Variants in GRAMD1B observed in about 807,000 individuals in gnomAD.
The protein encoded by GRAMD1B is GRAM domain containing 1B.
Under a neutral mutation model 99.7 loss-of-function variants are expected in GRAMD1B, and 37 were observed. The observed-to-expected ratio is 0.37, with a 90% CI of 0.29 to 0.49. The LOEUF (loss-of-function observed/expected upper bound fraction) is 0.49, where lower values mean the gene tolerates loss of function less well. Among genes scored for constraint, GRAMD1B ranks in the 20% least tolerant of loss-of-function variants. The pLI, the probability that GRAMD1B is intolerant of heterozygous loss-of-function variation, is 0.98. For synonymous variants in GRAMD1B, 427 were observed against 387.6 expected (o/e 1.10, Z -1.19); for missense variants, 888 against 1,009.2 (o/e 0.88, Z 1.63).
intron 7 of GRAMD1B, among the ~76,000 whole-genome samples, chr11:123,596,621 C>T (rs912391840): frequency 1.3e-5 from 2 of 152,250 alleles, no homozygotes; most frequent in African/African-American, 4.8e-5. Flanking sequence ...GCCAAGTTTA[C>T]AGTTCCCTTG....
chr11:123,545,227 G>A (rs151126685), intron 2 of GRAMD1B, among the ~76,000 whole-genome samples: 2 of 152,188 alleles, frequency 1.3e-5, no homozygotes, highest in South Asian at 2.1e-4. Flanking sequence ...GGGTGAAGTG[G>A]GAGGACTGCA....
At position 123,587,244 on chromosome 11, in the gene GRAMD1B, C is replaced by T. The variant is rs930873221; in HGVS notation, c.684+2912C>T. Among the ~76,000 whole-genome samples the T allele has an allele frequency of 2.6e-5, 4 of 152,212 alleles. No individual in the cohort carries two copies. The highest frequency in any genetic ancestry group is 1.3e-4 in the Admixed American group (2 of 15,286). ...GGCAAGTGGCTGGACCCCAGGGACA[C>T]AGGGAGAGGCCATAGCAGGAGAGTG... On this transcript the variant is annotated intron_variant, in intron 4 of 19. Coordinates refer to ENST00000635736, the MANE Select transcript of GRAMD1B (RefSeq NM_001387025.1). This position sits in a 1 kb window ranked among gnomAD's most constrained non-coding sequence, Gnocchi z 4.2.
intron 1 of GRAMD1B, among the ~76,000 whole-genome samples, chr11:123,443,562 C>A (rs1949506533): frequency 9.3e-6 from 1 of 107,378 alleles, no homozygotes; most frequent in Admixed American, 8.5e-5. Context: ...CAAAGATTTT[C>A]TTTTTTCTCT....
chr11:123,397,674 T>C (rs193247964), intron 1 of GRAMD1B, among the ~76,000 whole-genome samples: 9 of 152,172 alleles, frequency 5.9e-5, no homozygotes, highest in Non-Finnish European at 1.0e-4. Context: ...ACTAATTTTT[T>C]TATTTTTTGT....
chr11:123,578,100 C>G (rs1423883049), intron 3 of GRAMD1B, among the ~76,000 whole-genome samples: 1 of 152,138 alleles, frequency 6.6e-6, no homozygotes, highest in Admixed American at 6.5e-5. Context: ...GGACTGCCCC[C>G]TGAGTACCGG....
intron 1 of GRAMD1B, among the ~76,000 whole-genome samples, chr11:123,388,969 G>A (rs1347076798): frequency 6.6e-6 from 1 of 152,180 alleles, no homozygotes; most frequent in African/African-American, 2.4e-5. Context: ...CATCAATGAT[G>A]AGTCACATTG....
chr11:123,527,380 G>A (rs1159963542), intron 2 of GRAMD1B, among the ~76,000 whole-genome samples: 1 of 152,148 alleles, frequency 6.6e-6, no homozygotes, highest in African/African-American at 2.4e-5. Context: ...CCTTTAGTGG[G>A]TCTTGAAAAG....
intron 1 of GRAMD1B, among the ~76,000 whole-genome samples, chr11:123,383,090 C>T (rs1251295162): frequency 6.6e-6 from 1 of 152,038 alleles, no homozygotes; most frequent in Non-Finnish European, 1.5e-5. Flanking sequence ...CAGAGTGGAT[C>T]CAGAGTTGAA....
chr11:123,425,625 C>T (rs1223401335), upstream of GRAMD1B, among the ~76,000 whole-genome samples: 2 of 152,218 alleles, frequency 1.3e-5, no homozygotes, highest in Non-Finnish European at 2.9e-5. Flanking sequence ...ACCCTGTGTA[C>T]TCCCCAAGGT....
At chr11:123,399,768 C>T (rs928783670) in intron 1 of GRAMD1B, among the ~76,000 whole-genome samples, 9 of 152,114 alleles carry the variant, frequency 5.9e-5, no homozygotes, top group African/African-American at 4.8e-5. Context: ...CCACCCACCA[C>T]GCCACCACGT....
chr11:123,388,681 TCAAA>T (rs35971361), intron 1 of GRAMD1B, among the ~76,000 whole-genome samples: 26,904 of 149,396 alleles, frequency 0.18, 2,595 homozygotes, highest in Middle Eastern at 0.27. Flanking sequence ...AGACCCTGTT[TCAAA>T]CAAACAAACA....
Position 123,587,717 on chromosome 11 carries a change from C to G in GRAMD1B, c.684+3385C>G, listed in dbSNP as rs1950209791. Among the ~76,000 whole-genome samples the G allele has an allele frequency of 6.6e-6, 1 of 152,152 alleles. No homozygotes were observed. The highest frequency in any genetic ancestry group is 6.5e-5 in the Admixed American group (1 of 15,280). ...TTAGCACCCTGCTTGCCTGAAGCAC[C>G]TGCAGTTAGGGCTGCAGCTTTGTGG... On this transcript the variant is annotated intron_variant, in intron 4 of 19. Coordinates refer to ENST00000635736, the MANE Select transcript of GRAMD1B (RefSeq NM_001387025.1). The surrounding 1 kb of genome is among the most constrained non-coding windows in gnomAD (Gnocchi z 4.2).
intron 4 of GRAMD1B, among the ~76,000 whole-genome samples, chr11:123,585,741 G>A (rs939708680): frequency 6.6e-6 from 1 of 152,136 alleles, no homozygotes; most frequent in Non-Finnish European, 1.5e-5. Context: ...AAGCAGCATC[G>A]CACAAACTCA....
rs557391590 is a variant in GRAMD1B at position 123,594,265 on chromosome 11, G to A, written c.769+99G>A. The A allele has an allele frequency of 6.3e-6, 5 of 799,212 alleles. No individual in the cohort carries two copies. In the South Asian group the frequency reaches 7.0e-5, roughly 11 times the overall value. The allele number at this position is 799,212 out of a possible 1,614,324, so 49.5% of individuals were successfully genotyped here. ...CTCTAGAGGCCTCAAGCCAACCCAG[G>A]TAAGCAAGGGAACAGGGAGAGAGGC... On this transcript the variant is annotated intron_variant, in intron 5 of 19. Coordinates refer to ENST00000635736, the MANE Select transcript of GRAMD1B (RefSeq NM_001387025.1).
In GRAMD1B at chr11:123,614,955, A is replaced by T. The variant is rs932251439; in HGVS notation, c.2318+120A>T. The stretch of plus-strand genomic sequence containing the variant: ...TACTGTTTGCCCTGGTTTTTGCCTT[A>T]TCCTCTAGTCTTCTCTGTCTGGATT... On this transcript the variant is annotated intron_variant, in intron 17 of 19. Coordinates refer to ENST00000635736, the MANE Select transcript of GRAMD1B (RefSeq NM_001387025.1). The T allele has an allele frequency of 1.5e-5, 9 of 590,374 alleles. No homozygotes were observed. The African/African-American group carries it at 1.7e-4, about 11-fold the overall frequency. 36.6% of individuals were successfully genotyped at this position (590,374 alleles called of 1,614,324 possible). A position where few individuals can be genotyped will look rare whatever the true frequency, so the allele number is the denominator to read the frequency against.
intron 1 of GRAMD1B, among the ~76,000 whole-genome samples, chr11:123,378,004 A>G (rs974194301): frequency 1.3e-5 from 2 of 152,148 alleles, no homozygotes; most frequent in Admixed American, 6.5e-5. Context: ...CCCTGTTAGC[A>G]TAGGTATATT....
At chr11:123,410,180 A>G (rs1241467441) in intron 1 of GRAMD1B, among the ~76,000 whole-genome samples, 1 of 152,148 alleles carries the variant, frequency 6.6e-6, no homozygotes, top group Non-Finnish European at 1.5e-5. Flanking sequence ...TTGGGACAAG[A>G]AAAAAGGAGC....
intron 1 of GRAMD1B, among the ~76,000 whole-genome samples, chr11:123,445,688 G>A (rs1253339599): frequency 6.6e-6 from 1 of 151,762 alleles, no homozygotes; most frequent in Non-Finnish European, 1.5e-5. Flanking sequence ...ATGGTGGCAC[G>A]CGCCTGTAGT....
At chr11:123,366,838 T>A (rs1384724126) in intron 1 of GRAMD1B, among the ~76,000 whole-genome samples, 1 of 152,248 alleles carries the variant, frequency 6.6e-6, no homozygotes, top group Admixed American at 6.5e-5. Context: ...TCCAATATTA[T>A]TCTGTTCTTG....
Sources: allele counts gnomAD v4.1 joint callset (sites outside exome capture counted in the v4.1 genomes callset), GRCh38; gene constraint gnomAD v4.1.1; non-coding constraint Gnocchi (gnomAD v3.1); transcripts MANE v1.5; gene names NCBI Gene and HGNC (gene_info 2026-07-23, HGNC 2026-07-21).